Variants in MISP observed in about 807,000 individuals in gnomAD.
MISP encodes the protein mitotic interactor and substrate of PLK1.
Under a neutral mutation model 49.3 loss-of-function variants are expected in MISP, and 51 were observed. The ratio of observed to expected loss-of-function variants is 1.03; its 90% confidence interval spans 0.83 to 1.31. The LOEUF (loss-of-function observed/expected upper bound fraction) is 1.31. Among genes scored for constraint, MISP ranks in the 50% most tolerant of loss-of-function variants. The probability of loss-of-function intolerance (pLI) is 0.00; values close to 1 mark genes in which losing one functional copy is unlikely to be tolerated. For missense variants in MISP, 1,084 were observed against 935.1 expected, an observed-to-expected ratio of 1.16 and a Z score of -2.08; for synonymous variants, 444 against 392.6, an observed-to-expected ratio of 1.13 and a Z score of -1.55.
At position 763,645 on chromosome 19, in the gene MISP, C is replaced by A; in HGVS notation, c.*55C>A. The A allele has an allele frequency of 7.5e-7, 1 of 1,331,838 alleles. No individual in the cohort carries two copies. Among genetic ancestry groups the A allele is most frequent in the Non-Finnish European group, 1.1e-6 (1 of 938,370 alleles). The allele number at this position is 1,331,838 out of a possible 1,614,324, so 82.5% of individuals were successfully genotyped here. On this transcript the variant is annotated 3_prime_UTR_variant, in exon 5 of 5. Coordinates refer to ENST00000215582, the MANE Select transcript of MISP (RefSeq NM_173481.4). ...CTGCCCTGACCCTCGTGGGAACTGC[C>A]AAGACCATCGCCAAGCCCCCACCCT... is the stretch of plus-strand genomic sequence containing the variant.
At position 755,932 on chromosome 19, in the gene MISP, C is replaced by CAAAA. The variant is rs58041586; in HGVS notation, c.-57-948_-57-945dup. Among the ~76,000 whole-genome samples, 653 of 139,872 alleles carry CAAAA rather than the reference C, an allele frequency of 4.7e-3. 8 individuals carry two copies. Among genetic ancestry groups the CAAAA allele is most frequent in the African/African-American group, 0.016 (599 of 38,508 alleles). 91.8% of individuals were successfully genotyped at this position (139,872 alleles called of 152,430 possible). A position where few individuals can be genotyped will look rare whatever the true frequency, so the allele number is the denominator to read the frequency against. On this transcript the variant is annotated intron_variant, in intron 1 of 4. Coordinates refer to ENST00000215582, the MANE Select transcript of MISP (RefSeq NM_173481.4). ...TGGGCAACAGAGCGAGACTCCATCT[C>CAAAA]AAAAAAAAAAAAATCAAGGCTGAGC...
At chr19:761,483 C>A in intron 3 of MISP, 142 bp from the exon 4 acceptor site, 1 of 824,514 alleles carries the variant, frequency 1.2e-6, no homozygotes. Context: ...GATCGTGGGA[C>A]ACGTGTTGAG....
rs1303652156 is a variant in MISP, at chr19:757,042, T to C, written c.96T>C (p.His32=). 3 of 1,608,664 alleles carry C rather than the reference T, an allele frequency of 1.9e-6. No homozygotes were observed. The highest frequency in any genetic ancestry group is 2.5e-6 in the Non-Finnish European group (3 of 1,177,812). Residue 32 remains histidine (H), a synonymous_variant, in exon 2 of 5, where the codon CAT becomes CAC. Coordinates refer to ENST00000215582, the MANE Select transcript of MISP (RefSeq NM_173481.4). ...ATGGAGACACCAGCTACACATACCA[T>C]CTGGTGTGCATGGGCCCCGAGGCCA... is the stretch of plus-strand genomic sequence containing the variant. ...VLDGDTSYTY[H]LVCMGPEASG...
chr19:761,866 C>T (rs906942042), intron 4 of MISP, among the ~76,000 whole-genome samples: 15 of 152,186 alleles, frequency 9.9e-5, no homozygotes, highest in South Asian at 2.1e-4. Flanking sequence ...GAAGAGGGTT[C>T]ACATGCCACC....
chr19:761,259 G>A (rs1293735063), intron 3 of MISP, among the ~76,000 whole-genome samples: 8 of 150,060 alleles, frequency 5.3e-5, no homozygotes, highest in African/African-American at 2.0e-4. Context: ...CTGGCTAAAG[G>A]GAGGCTGCTA....
chr19:754,693 G>C (rs2033517787), intron 1 of MISP, among the ~76,000 whole-genome samples: 1 of 152,240 alleles, frequency 6.6e-6, no homozygotes, highest in South Asian at 2.1e-4. Context: ...GTGTTCAGAT[G>C]ATGGCTCTGG....
chr19:756,071 G>A (rs537550090), intron 1 of MISP, among the ~76,000 whole-genome samples: 3 of 152,276 alleles, frequency 2.0e-5, no homozygotes, highest in South Asian at 4.1e-4. Context: ...GGTAGTAACC[G>A]GGACATTCAG....
chr19:758,573 T>C lies in MISP; in HGVS notation c.1627T>C (p.Ser543Pro). 6.2e-7 allele frequency: 1 copy of C among 1,614,176 alleles called. No homozygotes were observed. Among genetic ancestry groups the C allele is most frequent in the Non-Finnish European group, 8.5e-7 (1 of 1,180,014 alleles). The change falls in exon 2 of 5, where the codon TCA becomes CCA. Residue 543 changes from serine (S) to proline (P), a missense_variant. Physicochemically the swap from Ser to Pro is moderately conservative, Grantham distance 74 (BLOSUM62 -1). Transcript: ENST00000215582. ...TGCACTGAGGCTGCAGAAGTCCCAG[T>C]CATCTGATCTGCTGGAAAGGGAGAG... ...APALRLQKSQ[S>P]SDLLERERES... is the part of the protein sequence containing the mutation.
At chr19:761,587 C>T in intron 3 of MISP, 38 bp from the exon 4 acceptor site, 1 of 1,613,612 alleles carries the variant, frequency 6.2e-7, no homozygotes, top group South Asian at 1.1e-5. Context: ...CCGGGCAGGG[C>T]AGAAAGGCCT....
At chr19:752,006 A>G (rs2033466879) in intron 1 of MISP, among the ~76,000 whole-genome samples, 1 of 152,142 alleles carries the variant, frequency 6.6e-6, no homozygotes, top group Non-Finnish European at 1.5e-5. Context: ...GTTCAGGGTG[A>G]GGCTGGGAGG....
At position 757,723 on chromosome 19, in the gene MISP, C is replaced by G; in HGVS notation, c.777C>G (p.Asn259Lys). 1 of 1,613,924 alleles carries G rather than the reference C, an allele frequency of 6.2e-7. No homozygotes were observed. Among genetic ancestry groups the G allele is most frequent in the Non-Finnish European group, 8.5e-7 (1 of 1,179,984 alleles). The change falls in exon 2 of 5, where the codon AAC becomes AAG. Residue 259 changes from asparagine (N) to lysine (K), a missense_variant. Asn to Lys is a moderately conservative substitution (Grantham distance 94, BLOSUM62 0). Transcript: ENST00000215582. ...TGAAGGGGGTGGTCAGGGAAGAGAA[C>G]AAGGTGCGTGCTGTGCCCACCTGGG... is the stretch of plus-strand genomic sequence containing the variant. The part of the protein sequence containing the change: ...PQVKGVVREE[N>K]KVRAVPTWAS...
chr19:759,407 T>G (rs1313477946), intron 2 of MISP, among the ~76,000 whole-genome samples: 1 of 148,430 alleles, frequency 6.7e-6, no homozygotes, highest in Non-Finnish European at 1.5e-5. Flanking sequence ...ATGTTTTTTT[T>G]TTTTTTTTTT....
intron 1 of MISP, among the ~76,000 whole-genome samples, chr19:755,179 G>C (rs1433919667): frequency 6.6e-6 from 1 of 152,188 alleles, no homozygotes; most frequent in African/African-American, 2.4e-5. Context: ...GAAGCGATGC[G>C]AGCAGGTGTG....
Position 757,892 on chromosome 19 carries a change from G to A in MISP, c.946G>A (p.Ala316Thr). ...GCGAGAGCAGAGGGGGCTTCGGCAGGCAACCGACCACCAGGAGCTGGTGGA... is the reference window on the plus strand; with the variant it reads ...GCGAGAGCAGAGGGGGCTTCGGCAGACAACCGACCACCAGGAGCTGGTGGA... The part of the protein sequence containing the change: ...DLREQRGLRQ[A>T]TDHQELVEIP... Residue 316 changes from alanine to threonine, a missense_variant, in exon 2 of 5, where the codon GCA (alanine) becomes ACA (threonine). Coordinates refer to ENST00000215582, the MANE Select transcript of MISP (RefSeq NM_173481.4). The A allele has an allele frequency of 6.2e-7, 1 of 1,605,518 alleles. No individual in the cohort carries two copies. Among genetic ancestry groups the A allele is most frequent in the Non-Finnish European group, 8.5e-7 (1 of 1,179,694 alleles).
intron 1 of MISP, among the ~76,000 whole-genome samples, chr19:751,873 C>T (rs938268006): frequency 6.6e-6 from 1 of 152,176 alleles, no homozygotes; most frequent in African/African-American, 2.4e-5. Flanking sequence ...TCTGCATGGC[C>T]TCCTTGTCTG....
Position 756,976 on chromosome 19 carries a change from G to T in MISP, c.30G>T (p.Leu10=). Residue 10 remains leucine (L), a synonymous_variant, in exon 2 of 5, where the codon CTG becomes CTT. Transcript: ENST00000215582. MDRVTRYPI[L]GIPQAHRGTG... The stretch of plus-strand genomic sequence containing the variant: ...ACCGCGTGACCAGATACCCCATCCT[G>T]GGCATCCCTCAGGCACACCGTGGCA... 6.3e-7 allele frequency: 1 copy of T among 1,585,826 alleles called. No individual in the cohort carries two copies. The highest frequency in any genetic ancestry group is 8.6e-7 in the Non-Finnish European group (1 of 1,163,292).
intron 1 of MISP, among the ~76,000 whole-genome samples, chr19:755,517 G>A (rs918690001): frequency 6.6e-6 from 1 of 152,170 alleles, no homozygotes; most frequent in African/African-American, 2.4e-5. Flanking sequence ...TTAGCAAGGG[G>A]CCATCTGTAA....
intron 1 of MISP, among the ~76,000 whole-genome samples, chr19:755,558 T>A (rs2033536860): frequency 2.0e-5 from 3 of 151,684 alleles, no homozygotes; most frequent in African/African-American, 4.8e-5. Context: ...ACACCAGGAG[T>A]CTCAGAGTGA....
At chr19:756,076 AT>A (rs1446068785) in intron 1 of MISP, among the ~76,000 whole-genome samples, 2 of 152,204 alleles carry the variant, frequency 1.3e-5, no homozygotes, top group Non-Finnish European at 1.5e-5. Context: ...TAACCGGGAC[AT>A]TCAGAGATTC....
Sources: gnomAD v4.1 joint callset for allele counts (sites outside exome capture counted in the v4.1 genomes callset) on GRCh38, gnomAD v4.1.1 for gene constraint, MANE v1.5 for transcripts, NCBI Gene and HGNC (gene_info 2026-07-23, HGNC 2026-07-21) for gene names.